GHR: variants seen among roughly 807,000 people sequenced by gnomAD.
GHR encodes growth hormone receptor, also known as GH receptor.
GHR carries 35 observed loss-of-function variants against 67.1 expected under a neutral mutation model. That is an observed-to-expected ratio of 0.52 (90% CI 0.40 to 0.69). The LOEUF is 0.69. Ranked by LOEUF, GHR falls within the 30% of genes least tolerant of loss-of-function variation. The probability of loss-of-function intolerance (pLI) is 0.00; values close to 1 mark genes in which losing one functional copy is unlikely to be tolerated. For synonymous variants in GHR, 272 were observed against 269.1 expected (o/e 1.01, Z -0.10); for missense variants, 792 against 764.6 (o/e 1.04, Z -0.42).
At chr5:42,529,686 C>T (rs1233527891) in intron 1 of GHR, among the ~76,000 whole-genome samples, 1 of 152,100 alleles carries the variant, frequency 6.6e-6, no homozygotes. Context: ...GGGTGGGTCA[C>T]TTAGTCTGCT....
chr5:42,707,299 C>T (rs1266862039), intron 6 of GHR, among the ~76,000 whole-genome samples: 1 of 151,690 alleles, frequency 6.6e-6, no homozygotes, highest in Admixed American at 6.6e-5. Flanking sequence ...ATTATTGTAC[C>T]TAGTATTATT....
chr5:42,680,530 G>T (rs1356651331), intron 3 of GHR, among the ~76,000 whole-genome samples: 5 of 149,918 alleles, frequency 3.3e-5, no homozygotes, highest in African/African-American at 9.8e-5. Context: ...TTTAGACAGA[G>T]TCTCACTATG....
chr5:42,688,264 G>A (rs1408952251), intron 3 of GHR, among the ~76,000 whole-genome samples: 1 of 152,186 alleles, frequency 6.6e-6, no homozygotes, highest in South Asian at 2.1e-4. Flanking sequence ...TATGCACCCT[G>A]CCGGGCAGAC....
chr5:42,460,565 A>G (rs190340595), intron 1 of GHR, among the ~76,000 whole-genome samples: 142 of 152,306 alleles, frequency 9.3e-4, no homozygotes, highest in Non-Finnish European at 1.7e-3. Context: ...GTTGACTTTG[A>G]CGGTGCTTGT....
Position 42,611,108 on chromosome 5 carries a change from C to T in GHR, c.71-17930C>T, listed in dbSNP as rs146147578. Among the ~76,000 whole-genome samples, 1,059 of 152,216 alleles carry T rather than the reference C, an allele frequency of 7.0e-3. 12 individuals are homozygous for T. Among genetic ancestry groups the T allele is most frequent in the African/African-American group, 0.024 (1,001 of 41,544 alleles). ...CACTATTAGATTTATTTTTGTGTGTCCCAACTATTATATAAATTCCCCTAT... is the reference window on the plus strand; with the variant it reads ...CACTATTAGATTTATTTTTGTGTGTTCCAACTATTATATAAATTCCCCTAT... On this transcript the variant is annotated intron_variant, in intron 2 of 9. Coordinates refer to ENST00000230882, the MANE Select transcript of GHR (RefSeq NM_000163.5).
At chr5:42,694,720 C>T (rs556276032) in intron 4 of GHR, among the ~76,000 whole-genome samples, 197 bp from the exon 5 acceptor site, 14 of 152,280 alleles carry the variant, frequency 9.2e-5, no homozygotes, top group East Asian at 3.9e-4. Flanking sequence ...AAGTACCAAA[C>T]GGCCTCGTAG....
At chr5:42,523,366 C>T (rs4610467) in intron 1 of GHR, among the ~76,000 whole-genome samples, 2,616 of 152,208 alleles carry the variant, frequency 0.017, 35 homozygotes, top group Non-Finnish European at 0.024. Context: ...AACCCTGTAA[C>T]GAGCAAGTCT....
intron 1 of GHR, among the ~76,000 whole-genome samples, chr5:42,534,336 GTGTATATATGTA>G (rs1471700032): frequency 7.2e-6 from 1 of 138,742 alleles, no homozygotes; most frequent in East Asian, 2.1e-4. Context: ...ATGTGTATAT[GTGTATATATGTA>G]TGTATATATG....
chr5:42,515,276 T>C (rs749096388), intron 1 of GHR, among the ~76,000 whole-genome samples: 3 of 152,234 alleles, frequency 2.0e-5, no homozygotes, highest in Non-Finnish European at 2.9e-5. Flanking sequence ...TATTTTGGCT[T>C]AGGCTAGTGT....
chr5:42,493,093 G>T (rs1262212962), intron 1 of GHR, among the ~76,000 whole-genome samples: 1 of 152,178 alleles, frequency 6.6e-6, no homozygotes, highest in Non-Finnish European at 1.5e-5. Flanking sequence ...AATGAAAATT[G>T]TGTTTTCAAA....
intron 2 of GHR, among the ~76,000 whole-genome samples, chr5:42,608,051 C>A (rs1216426883): frequency 6.6e-6 from 1 of 152,158 alleles, no homozygotes; most frequent in African/African-American, 2.4e-5. Flanking sequence ...ATTCAAAAGA[C>A]CAAAATCTGC....
At chr5:42,691,180 A>G (rs1289403936) in intron 4 of GHR, among the ~76,000 whole-genome samples, 1 of 152,206 alleles carries the variant, frequency 6.6e-6, no homozygotes, top group Admixed American at 6.5e-5. Context: ...GTGACTGGGT[A>G]AAGGGAAACG....
At chr5:42,586,611 C>T (rs2112576972) in intron 2 of GHR, among the ~76,000 whole-genome samples, 1 of 152,316 alleles carries the variant, frequency 6.6e-6, no homozygotes, top group East Asian at 1.9e-4. Flanking sequence ...CTTAGCTGCT[C>T]AATTTTGTAC....
At chr5:42,526,730 A>G (rs1406221153) in intron 1 of GHR, among the ~76,000 whole-genome samples, 2 of 152,184 alleles carry the variant, frequency 1.3e-5, no homozygotes, top group East Asian at 1.9e-4. Context: ...GGAAATACAG[A>G]GAACCCCTGC....
intron 1 of GHR, among the ~76,000 whole-genome samples, chr5:42,475,584 A>G (rs1428702459): frequency 6.8e-6 from 1 of 147,108 alleles, no homozygotes; most frequent in Non-Finnish European, 1.5e-5. Flanking sequence ...ATTTGTAATT[A>G]TGTATTTTTT....
intron 2 of GHR, among the ~76,000 whole-genome samples, chr5:42,587,171 C>CAAACAAGTGAACAAAAACAAGTGAACAA (rs6149006): frequency 3.3e-5 from 5 of 151,794 alleles, no homozygotes; most frequent in African/African-American, 4.8e-5. Flanking sequence ...ACAGTCAGGA[C>CAAACAAGTGAACAAAAACAAGTGAACAA]AAACAAGTGA....
chr5:42,503,996 G>C (rs1025722308), intron 1 of GHR, among the ~76,000 whole-genome samples: 7 of 152,136 alleles, frequency 4.6e-5, no homozygotes, highest in Non-Finnish European at 1.0e-4. Context: ...CCATAGCACT[G>C]ATTGGATAAA....
At chr5:42,548,690 A>G (rs151275566) in intron 1 of GHR, among the ~76,000 whole-genome samples, 1,993 of 151,844 alleles carry the variant, frequency 0.013, 17 homozygotes, top group Middle Eastern at 0.034. Context: ...CTTCTGGGTT[A>G]ATTTCTCATT....
intron 2 of GHR, among the ~76,000 whole-genome samples, chr5:42,624,456 A>G (rs982523305): frequency 6.6e-6 from 1 of 152,216 alleles, no homozygotes; most frequent in African/African-American, 2.4e-5. Flanking sequence ...TGACCAAAAT[A>G]ACACATATGT....
Sources: gnomAD v4.1 joint callset for allele counts (sites outside exome capture counted in the v4.1 genomes callset) on GRCh38, gnomAD v4.1.1 for gene constraint, MANE v1.5 for transcripts, NCBI Gene and HGNC (gene_info 2026-07-23, HGNC 2026-07-21) for gene names.